The following PABPC4L variants were observed in gnomAD, a reference collection of about 807,000 sequenced individuals.
PABPC4L encodes polyadenylate-binding protein 4-like.
For synonymous variants in PABPC4L, 169 were observed against 164.1 expected (o/e 1.03, Z -0.23); for missense variants, 452 against 451.4 (o/e 1.00, Z -0.01).
the PABPC4L span, among the ~76,000 whole-genome samples, chr4:134,181,749 CAG>C: frequency 1.3e-5 from 2 of 151,848 alleles, no homozygotes; most frequent in East Asian, 3.9e-4. Flanking sequence ...AGAGCCAAAT[CAG>C]GAACAAAATT....
the PABPC4L span, among the ~76,000 whole-genome samples, chr4:134,175,297 A>C: frequency 6.6e-6 from 1 of 152,114 alleles, no homozygotes. Flanking sequence ...TAAATAATTA[A>C]AATGTGAATT....
At chr4:134,085,699 T>C in the PABPC4L span, among the ~76,000 whole-genome samples, 1 of 152,200 alleles carries the variant, frequency 6.6e-6, no homozygotes, top group Admixed American at 6.5e-5. Context: ...TTTGAATCTT[T>C]CCATTCAAAG....
the PABPC4L span, among the ~76,000 whole-genome samples, chr4:133,979,920 T>G: frequency 2.6e-5 from 4 of 152,310 alleles, no homozygotes; most frequent in Admixed American, 2.0e-4. Flanking sequence ...TAGGCTACAA[T>G]AATTCCCATT....
the PABPC4L span, among the ~76,000 whole-genome samples, chr4:133,990,326 A>G: frequency 6.6e-6 from 1 of 152,124 alleles, no homozygotes; most frequent in Admixed American, 6.5e-5. Context: ...ACCTGTTATG[A>G]TTATCTGTGA....
the PABPC4L span, among the ~76,000 whole-genome samples, chr4:133,982,930 CTACAGT>C: frequency 2.6e-5 from 4 of 151,916 alleles, no homozygotes; most frequent in Non-Finnish European, 4.4e-5. Flanking sequence ...TGCTCTATTC[CTACAGT>C]TACAAATATG....
At chr4:133,969,625 G>C in the PABPC4L span, among the ~76,000 whole-genome samples, 1 of 152,202 alleles carries the variant, frequency 6.6e-6, no homozygotes, top group Non-Finnish European at 1.5e-5. Context: ...TCACAGATTA[G>C]GATGCTTTGA....
the PABPC4L span, among the ~76,000 whole-genome samples, chr4:134,092,670 G>T: frequency 6.6e-6 from 1 of 151,974 alleles, no homozygotes; most frequent in Non-Finnish European, 1.5e-5. Context: ...GCCAGTACAA[G>T]AATGGTTCAT....
the PABPC4L span, among the ~76,000 whole-genome samples, chr4:134,015,422 G>A: frequency 6.6e-6 from 1 of 152,046 alleles, no homozygotes; most frequent in Non-Finnish European, 1.5e-5. Flanking sequence ...TCTCAAACAT[G>A]CTTTCTTTAC....
the PABPC4L span, among the ~76,000 whole-genome samples, chr4:134,018,775 T>C: frequency 6.6e-6 from 1 of 152,076 alleles, no homozygotes; most frequent in Non-Finnish European, 1.5e-5. Flanking sequence ...TCCATATAAA[T>C]TAAAATATAA....
the PABPC4L span, among the ~76,000 whole-genome samples, chr4:134,160,308 G>A: frequency 1.3e-5 from 2 of 152,096 alleles, no homozygotes; most frequent in Non-Finnish European, 2.9e-5. Context: ...AGAGGGAAGA[G>A]AGCAAGAGAC....
At chr4:134,172,760 A>C in the PABPC4L span, among the ~76,000 whole-genome samples, 1 of 152,026 alleles carries the variant, frequency 6.6e-6, no homozygotes, top group Non-Finnish European at 1.5e-5. Flanking sequence ...ATCCAATGCA[A>C]TCTCCATCAA....
the PABPC4L span, among the ~76,000 whole-genome samples, chr4:133,989,772 C>T: frequency 1.3e-5 from 2 of 152,140 alleles, no homozygotes; most frequent in East Asian, 3.9e-4. Context: ...CTGTATTAGT[C>T]TGTTCTCAGG....
chr4:133,956,939 C>T, the PABPC4L span, among the ~76,000 whole-genome samples: 7 of 152,112 alleles, frequency 4.6e-5, no homozygotes, highest in Admixed American at 3.9e-4. Context: ...CCCACTGTGT[C>T]CCTTCAATGA....
At chr4:134,181,958 A>G in the PABPC4L span, among the ~76,000 whole-genome samples, 1 of 151,724 alleles carries the variant, frequency 6.6e-6, no homozygotes, top group South Asian at 2.1e-4. Context: ...GACATATTCA[A>G]TGCTATACAC....
At chr4:133,956,411 G>A in the PABPC4L span, among the ~76,000 whole-genome samples, 1 of 152,128 alleles carries the variant, frequency 6.6e-6, no homozygotes, top group Non-Finnish European at 1.5e-5. Flanking sequence ...ACTCACCTGT[G>A]TTTCTGCTCT....
At chr4:134,150,821 G>T in the PABPC4L span, among the ~76,000 whole-genome samples, 1 of 152,034 alleles carries the variant, frequency 6.6e-6, no homozygotes, top group Non-Finnish European at 1.5e-5. Context: ...TACATAACAA[G>T]TTCACTATCC....
the PABPC4L span, among the ~76,000 whole-genome samples, chr4:133,997,437 G>T: frequency 1.3e-5 from 2 of 151,908 alleles, no homozygotes; most frequent in Non-Finnish European, 2.9e-5. Flanking sequence ...ATGCCTGCTA[G>T]CATGACATCC....
chr4:134,176,048 G>A, the PABPC4L span, among the ~76,000 whole-genome samples: 1 of 152,042 alleles, frequency 6.6e-6, no homozygotes, highest in African/African-American at 2.4e-5. Context: ...CATAATGAAT[G>A]GTGACCTAGA....
chr4:134,039,495 CTGGG>C, the PABPC4L span, among the ~76,000 whole-genome samples: 1 of 152,090 alleles, frequency 6.6e-6, no homozygotes, highest in Admixed American at 6.6e-5. Context: ...CTTTATGAAT[CTGGG>C]TGCTGCTGTA....
Sources: allele counts gnomAD v4.1 joint callset (sites outside exome capture counted in the v4.1 genomes callset), GRCh38; gene constraint gnomAD v4.1.1; transcripts MANE v1.5; gene names NCBI Gene and HGNC (gene_info 2026-07-23, HGNC 2026-07-21).